Variants in ITFG1 observed in about 807,000 individuals in gnomAD.
The protein encoded by ITFG1 is integrin alpha FG-GAP repeat containing 1.
Under a neutral mutation model 81.8 loss-of-function variants are expected in ITFG1, and 34 were observed. That is an observed-to-expected ratio of 0.42 (90% CI 0.32 to 0.55). The LOEUF is 0.55. Ranked by LOEUF, ITFG1 falls within the 20% of genes least tolerant of loss-of-function variation. The probability of loss-of-function intolerance (pLI) is 0.17; values close to 1 mark genes in which losing one functional copy is unlikely to be tolerated. For synonymous variants in ITFG1, 285 were observed against 270.6 expected (o/e 1.05, Z -0.52); for missense variants, 672 against 755.4 (o/e 0.89, Z 1.29).
intron 6 of ITFG1, among the ~76,000 whole-genome samples, chr16:47,377,430 C>T (rs1387600265): frequency 6.6e-6 from 1 of 152,114 alleles, no homozygotes; most frequent in Non-Finnish European, 1.5e-5. Context: ...GCAAATACCT[C>T]AGCTGTTATG....
chr16:47,408,840 C>T (rs1428660917), intron 6 of ITFG1, among the ~76,000 whole-genome samples: 1 of 152,116 alleles, frequency 6.6e-6, no homozygotes, highest in Non-Finnish European at 1.5e-5. Flanking sequence ...CCTCTTTATA[C>T]GTTTAGAAAT....
intron 10 of ITFG1, among the ~76,000 whole-genome samples, chr16:47,263,999 C>A (rs796698662): frequency 3.9e-5 from 6 of 152,242 alleles, no homozygotes; most frequent in African/African-American, 1.4e-4. Flanking sequence ...GGTTTAGAAA[C>A]TATTGGCGAC....
intron 6 of ITFG1, among the ~76,000 whole-genome samples, chr16:47,423,008 G>C (rs1968970889): frequency 6.6e-6 from 1 of 152,108 alleles, no homozygotes; most frequent in Non-Finnish European, 1.5e-5. Context: ...TGATCTGTCT[G>C]ATATTGACAG....
intron 12 of ITFG1, among the ~76,000 whole-genome samples, chr16:47,241,947 C>T (rs1282375574): frequency 2.7e-5 from 4 of 148,146 alleles, no homozygotes; most frequent in Admixed American, 1.3e-4. Context: ...GAGCAAGACT[C>T]CGTCTCAAAA....
chr16:47,385,974 C>T (rs558173269), intron 6 of ITFG1, among the ~76,000 whole-genome samples: 6 of 152,062 alleles, frequency 3.9e-5, no homozygotes, highest in Non-Finnish European at 7.4e-5. Flanking sequence ...ATGATAAAAC[C>T]TTCATCCTAA....
intron 12 of ITFG1, among the ~76,000 whole-genome samples, chr16:47,247,451 AGTGTTGATAAGG>A: frequency 6.6e-6 from 1 of 152,200 alleles, no homozygotes. Context: ...TTAGGTCATG[AGTGTTGATAAGG>A]GTAAACCTCA....
At chr16:47,198,161 C>A (rs8045907) in intron 14 of ITFG1, among the ~76,000 whole-genome samples, 1 of 152,202 alleles carries the variant, frequency 6.6e-6, no homozygotes, top group East Asian at 1.9e-4. Flanking sequence ...CTTTTCTATA[C>A]GTTTACTTGA....
At chr16:47,189,454 T>G (rs1965266316) in intron 14 of ITFG1, among the ~76,000 whole-genome samples, 1 of 152,218 alleles carries the variant, frequency 6.6e-6, no homozygotes, top group South Asian at 2.1e-4. Flanking sequence ...ATAAATGAAG[T>G]TGGACAATAT....
intron 6 of ITFG1, among the ~76,000 whole-genome samples, chr16:47,421,076 T>C (rs1165230662): frequency 6.6e-6 from 1 of 152,138 alleles, no homozygotes; most frequent in Non-Finnish European, 1.5e-5. Context: ...TTGCTCATTT[T>C]TGGTTTCTGT....
chr16:47,364,867 C>T (rs1020574464), intron 8 of ITFG1, among the ~76,000 whole-genome samples: 1 of 152,174 alleles, frequency 6.6e-6, no homozygotes, highest in African/African-American at 2.4e-5. Flanking sequence ...TAGACTCAAA[C>T]TACAATTTGA....
intron 14 of ITFG1, among the ~76,000 whole-genome samples, chr16:47,180,535 G>A (rs569899820): frequency 1.2e-4 from 18 of 152,210 alleles, no homozygotes; most frequent in Admixed American, 2.0e-4. Flanking sequence ...GGCACGCGCC[G>A]CCACGCCTGA....
intron 5 of ITFG1, among the ~76,000 whole-genome samples, chr16:47,442,732 C>G (rs1470609847): frequency 1.3e-5 from 2 of 152,144 alleles, no homozygotes. Flanking sequence ...CTTCCTTACA[C>G]CTTATACAAA....
chr16:47,439,712 T>C (rs758786597), intron 5 of ITFG1, among the ~76,000 whole-genome samples: 1 of 152,140 alleles, frequency 6.6e-6, no homozygotes, highest in Non-Finnish European at 1.5e-5. Context: ...GAACAACCGG[T>C]ATCAGCCACT....
chr16:47,162,503 CAT>C, intron 15 of ITFG1, 35 bp downstream of exon 15: 1 of 1,491,698 alleles, frequency 6.7e-7, no homozygotes. Flanking sequence ...AATATTAAAA[CAT>C]AGATTAATTG....
intron 10 of ITFG1, among the ~76,000 whole-genome samples, chr16:47,305,005 C>T (rs1967135242): frequency 6.6e-6 from 1 of 152,086 alleles, no homozygotes; most frequent in South Asian, 2.1e-4. Context: ...AAAAAGCTTA[C>T]TTTACTTTAT....
intron 6 of ITFG1, among the ~76,000 whole-genome samples, chr16:47,378,996 A>G (rs1160505920): frequency 1.3e-5 from 2 of 152,212 alleles, no homozygotes; most frequent in African/African-American, 4.8e-5. Flanking sequence ...TTATTCTCTC[A>G]GCTTCTAGAA....
intron 14 of ITFG1, among the ~76,000 whole-genome samples, chr16:47,186,386 G>A (rs906256493): frequency 6.6e-6 from 1 of 152,098 alleles, no homozygotes; most frequent in African/African-American, 2.4e-5. Context: ...ACCGAATCCA[G>A]CAACACATCA....
At chr16:47,214,926 A>G (rs1007735052) in intron 14 of ITFG1, among the ~76,000 whole-genome samples, 8 of 82,748 alleles carry the variant, frequency 9.7e-5, no homozygotes, top group African/African-American at 6.1e-4. Context: ...GTGAAAACAC[A>G]CACACACACA....
At chr16:47,185,872 T>C (rs1207733202) in intron 14 of ITFG1, among the ~76,000 whole-genome samples, 2 of 151,310 alleles carry the variant, frequency 1.3e-5, no homozygotes, top group African/African-American at 4.9e-5. Context: ...GCAAGACTAA[T>C]AAAGAAGAAA....
Sources: gnomAD v4.1 joint callset for allele counts (sites outside exome capture counted in the v4.1 genomes callset) on GRCh38, gnomAD v4.1.1 for gene constraint, MANE v1.5 for transcripts, NCBI Gene and HGNC (gene_info 2026-07-23, HGNC 2026-07-21) for gene names.